The following IL33 variants were observed in gnomAD, a reference collection of about 807,000 sequenced individuals.
IL33 encodes the protein interleukin-33.
A neutral mutation model predicts 27.3 loss-of-function variants in IL33; 37 were observed. That is an observed-to-expected ratio of 1.36 (90% CI 1.04 to 1.78). The LOEUF (loss-of-function observed/expected upper bound fraction) is 1.78. Among genes scored for constraint, IL33 ranks in the 40% most tolerant of loss-of-function variants. The probability of loss-of-function intolerance (pLI) is 0.00; values close to 1 mark genes in which losing one functional copy is unlikely to be tolerated. For synonymous variants in IL33, 132 were observed against 102.9 expected (o/e 1.28, Z -1.71); for missense variants, 406 against 311.4 (o/e 1.30, Z -2.29).
intron 1 of IL33, among the ~76,000 whole-genome samples, chr9:6,236,131 TC>T (rs1564058930): frequency 6.6e-6 from 1 of 151,716 alleles, no homozygotes; most frequent in African/African-American, 2.4e-5. Flanking sequence ...CCAGTGTTAA[TC>T]AATAAAAGAC....
chr9:6,237,795 GT>G (rs1427785164), intron 1 of IL33, among the ~76,000 whole-genome samples: 1 of 152,134 alleles, frequency 6.6e-6, no homozygotes, highest in Non-Finnish European at 1.5e-5. Context: ...ACCAGGAATT[GT>G]TTTTTCTAGG....
At chr9:6,228,276 C>G (rs1214879105) in intron 1 of IL33, among the ~76,000 whole-genome samples, 1 of 151,798 alleles carries the variant, frequency 6.6e-6, no homozygotes, top group Non-Finnish European at 1.5e-5. Context: ...GCACTTCAGT[C>G]CTGGTTACAG....
intron 1 of IL33, among the ~76,000 whole-genome samples, chr9:6,221,255 C>A (rs1818399826): frequency 2.6e-5 from 4 of 152,198 alleles, no homozygotes; most frequent in Middle Eastern, 3.4e-3. Flanking sequence ...ATTCAAGAGC[C>A]ATATGGTTTG....
chr9:6,226,648 C>A (rs1206573394), intron 1 of IL33, among the ~76,000 whole-genome samples: 3 of 152,220 alleles, frequency 2.0e-5, no homozygotes, highest in South Asian at 4.1e-4. Context: ...AGTAATATAT[C>A]TTTTATGTCT....
Position 6,226,041 on chromosome 9 carries a change from T to G in IL33, c.-12+10189T>G, listed in dbSNP as rs149826069. ...TCTCTTTTTAGAGACAAGCTCTTGC[T>G]CTGTAACCCAGGCTAGAGTGCAGTG... On this transcript the variant is annotated intron_variant, in intron 1 of 7. Coordinates refer to ENST00000682010, the MANE Select transcript of IL33 (RefSeq NM_033439.4). Among the ~76,000 whole-genome samples the G allele has an allele frequency of 3.9e-5, 6 of 152,310 alleles. No homozygotes were observed. In the East Asian group the frequency reaches 1.2e-3, roughly 29 times the overall value.
intron 1 of IL33, among the ~76,000 whole-genome samples, chr9:6,239,448 C>T (rs1011308810): frequency 7.2e-5 from 11 of 152,192 alleles, no homozygotes; most frequent in African/African-American, 2.6e-4. Flanking sequence ...GGAAGGACAG[C>T]GTGGGGGTTG....
chr9:6,237,309 A>T (rs1308690314), intron 1 of IL33, among the ~76,000 whole-genome samples: 2 of 152,244 alleles, frequency 1.3e-5, no homozygotes, highest in Non-Finnish European at 2.9e-5. Context: ...GAAAAGAGTG[A>T]TCAAGGCAAA....
chr9:6,217,915 G>A (rs1818217410), intron 1 of IL33, among the ~76,000 whole-genome samples: 1 of 146,970 alleles, frequency 6.8e-6, no homozygotes, highest in Admixed American at 6.8e-5. Flanking sequence ...TTCTCCCGCT[G>A]AAGCATCCTT....
At chr9:6,254,583 A>G (rs1391451671) in intron 7 of IL33, 30 bp downstream of exon 7, 2 of 1,308,062 alleles carry the variant, frequency 1.5e-6, no homozygotes, top group Non-Finnish European at 2.1e-6. Flanking sequence ...CTATATCTAT[A>G]TATATGATTA....
chr9:6,226,082 A>C (rs955329058), intron 1 of IL33, among the ~76,000 whole-genome samples: 1 of 152,124 alleles, frequency 6.6e-6, no homozygotes, highest in African/African-American at 2.4e-5. Flanking sequence ...ATCCTAACTC[A>C]CTGCGGCCTC....
intron 1 of IL33, among the ~76,000 whole-genome samples, chr9:6,241,358 A>G (rs1267886631): frequency 2.0e-5 from 3 of 152,218 alleles, no homozygotes; most frequent in South Asian, 4.1e-4. Context: ...TTACACCACC[A>G]TCACCACAAA....
intron 1 of IL33, among the ~76,000 whole-genome samples, chr9:6,236,300 G>C (rs143992529): frequency 2.4e-3 from 372 of 152,174 alleles, no homozygotes; most frequent in African/African-American, 8.7e-3. Flanking sequence ...TTAAATAAAA[G>C]AGATGTGTAT....
intron 4 of IL33, 61 bp downstream of exon 4, chr9:6,251,326 A>T: frequency 6.3e-7 from 1 of 1,598,138 alleles, no homozygotes; most frequent in South Asian, 1.1e-5. Context: ...AGGACCCCGG[A>T]AAGTGCTACT....
chr9:6,239,738 A>C (rs184814822), intron 1 of IL33, among the ~76,000 whole-genome samples: 3 of 152,156 alleles, frequency 2.0e-5, no homozygotes, highest in Admixed American at 6.5e-5. Context: ...CCAGACAATG[A>C]GGCCTATTTC....
At chr9:6,243,350 T>C (rs919302009) in intron 2 of IL33, among the ~76,000 whole-genome samples, 7 of 152,094 alleles carry the variant, frequency 4.6e-5, no homozygotes, top group Non-Finnish European at 1.0e-4. Context: ...AGCATGCAAA[T>C]TTATTTATTT....
intron 1 of IL33, among the ~76,000 whole-genome samples, chr9:6,235,594 C>A (rs1819155773): frequency 1.3e-5 from 2 of 152,028 alleles, no homozygotes; most frequent in Non-Finnish European, 1.5e-5. Context: ...ATAAATGACA[C>A]AGGGGAAAAA....
intron 1 of IL33, 37 bp from the exon 2 acceptor site, chr9:6,241,647 G>T: frequency 1.5e-6 from 2 of 1,302,930 alleles, no homozygotes; most frequent in Admixed American, 2.0e-5. Flanking sequence ...TTTTTAAGTT[G>T]AGACAAATGA....
At chr9:6,249,370 T>A (rs542295829) in intron 2 of IL33, among the ~76,000 whole-genome samples, 1 of 152,234 alleles carries the variant, frequency 6.6e-6, no homozygotes, top group Non-Finnish European at 1.5e-5. Flanking sequence ...CTGTGACTAA[T>A]TGAAATTTGA....
At chr9:6,249,760 G>C (rs1448158022) in intron 2 of IL33, among the ~76,000 whole-genome samples, 1 of 152,166 alleles carries the variant, frequency 6.6e-6, no homozygotes, top group East Asian at 1.9e-4. Flanking sequence ...ACTCCTGAGA[G>C]CCTCAGATTA....
Sources: allele counts gnomAD v4.1 joint callset (sites outside exome capture counted in the v4.1 genomes callset), GRCh38; gene constraint gnomAD v4.1.1; transcripts MANE v1.5; gene names NCBI Gene and HGNC (gene_info 2026-07-23, HGNC 2026-07-21).